ADGRL3: variants seen among roughly 807,000 people sequenced by gnomAD.
ADGRL3 encodes the protein calcium-independent alpha-latrotoxin receptor 3.
A neutral mutation model predicts 153.5 loss-of-function variants in ADGRL3; 62 were observed. The observed-to-expected ratio is 0.40, with a 90% CI of 0.33 to 0.50. ADGRL3 has a LOEUF of 0.50. Among genes scored for constraint, ADGRL3 ranks in the 20% least tolerant of loss-of-function variants. The pLI is 0.47. For missense variants in ADGRL3, 1,641 were observed against 1,859.4 expected (o/e 0.88, Z 2.16); for synonymous variants, 710 against 672.5 (o/e 1.06, Z -0.86).
intron 1 of ADGRL3, among the ~76,000 whole-genome samples, chr4:61,243,497 T>C (rs189250675): frequency 3.2e-4 from 48 of 152,148 alleles, no homozygotes; most frequent in Admixed American, 1.4e-3. Context: ...TTTTCTAGGA[T>C]GTTTTTGTCT....
chr4:61,885,797 A>G (rs1479295649), intron 9 of ADGRL3, among the ~76,000 whole-genome samples: 1 of 152,192 alleles, frequency 6.6e-6, no homozygotes, highest in African/African-American at 2.4e-5. Flanking sequence ...GAATTATTTA[A>G]TTTAACCTAT....
intron 2 of ADGRL3, among the ~76,000 whole-genome samples, chr4:61,451,352 AG>A (rs1209371427): frequency 6.6e-6 from 1 of 152,112 alleles, no homozygotes; most frequent in African/African-American, 2.4e-5. Context: ...TAATGAAAAA[AG>A]GGCAAAATAT....
intron 2 of ADGRL3, among the ~76,000 whole-genome samples, chr4:61,402,195 C>T (rs780061452): frequency 1.3e-5 from 2 of 152,058 alleles, no homozygotes; most frequent in Non-Finnish European, 2.9e-5. Flanking sequence ...GCAAATTAAT[C>T]TTGTGGGCTG....
chr4:61,865,492 T>C (rs368495204), intron 9 of ADGRL3, among the ~76,000 whole-genome samples: 2 of 152,302 alleles, frequency 1.3e-5, no homozygotes, highest in Non-Finnish European at 1.5e-5. Flanking sequence ...AACAACTTTA[T>C]TCTGACTGTA....
intron 5 of ADGRL3, among the ~76,000 whole-genome samples, chr4:61,655,494 T>A (rs980905277): frequency 6.6e-6 from 1 of 152,126 alleles, no homozygotes; most frequent in Non-Finnish European, 1.5e-5. Flanking sequence ...CTATAATAAA[T>A]TAAATTAAAA....
chr4:61,479,759 G>T (rs2098112240), intron 2 of ADGRL3, among the ~76,000 whole-genome samples: 1 of 152,068 alleles, frequency 6.6e-6, no homozygotes, highest in African/African-American at 2.4e-5. Context: ...TTAAAATTTG[G>T]ATATTCATAT....
chr4:61,667,822 G>A (rs773840478), intron 5 of ADGRL3, among the ~76,000 whole-genome samples: 1 of 152,132 alleles, frequency 6.6e-6, no homozygotes, highest in Non-Finnish European at 1.5e-5. Flanking sequence ...ATGTATAAAT[G>A]TGGCTTACAT....
At chr4:61,800,074 G>T (rs534267890) in intron 8 of ADGRL3, among the ~76,000 whole-genome samples, 7 of 152,112 alleles carry the variant, frequency 4.6e-5, no homozygotes, top group Admixed American at 4.6e-4. Flanking sequence ...TGAACCTCTT[G>T]TGTACTGGGA....
chr4:61,427,584 G>T (rs1217474202), intron 2 of ADGRL3: 1 of 152,808 alleles, frequency 6.5e-6, no homozygotes, highest in Non-Finnish European at 1.5e-5. Context: ...ACAGTAGGAG[G>T]TCCCTGAACC....
chr4:61,896,234 A>G (rs1422560759), intron 11 of ADGRL3, among the ~76,000 whole-genome samples: 3 of 152,000 alleles, frequency 2.0e-5, no homozygotes, highest in Non-Finnish European at 4.4e-5. Context: ...TCTGTAACCT[A>G]ATCATTTATC....
At chr4:61,430,463 T>A (rs2097342584) in intron 2 of ADGRL3, among the ~76,000 whole-genome samples, 1 of 152,190 alleles carries the variant, frequency 6.6e-6, no homozygotes, top group African/African-American at 2.4e-5. Flanking sequence ...ACATTTCAAT[T>A]TAAAGTACCA....
intron 8 of ADGRL3, among the ~76,000 whole-genome samples, chr4:61,769,183 A>C (rs1417771491): frequency 3.3e-5 from 5 of 152,106 alleles, no homozygotes; most frequent in African/African-American, 4.8e-5. Flanking sequence ...GCAATGATTA[A>C]ATACCAAGGG....
At chr4:61,669,405 A>T (rs950547742) in intron 5 of ADGRL3, among the ~76,000 whole-genome samples, 12 of 152,144 alleles carry the variant, frequency 7.9e-5, no homozygotes, top group African/African-American at 2.9e-4. Context: ...TGTTCAGTTG[A>T]TTGACATTGA....
chr4:61,850,623 AT>A (rs2098191150), intron 9 of ADGRL3, among the ~76,000 whole-genome samples: 1 of 152,186 alleles, frequency 6.6e-6, no homozygotes, highest in Non-Finnish European at 1.5e-5. Context: ...GCATAAAAAC[AT>A]TATTCTCTGG....
chr4:62,013,829 A>G (rs537863300), intron 21 of ADGRL3, among the ~76,000 whole-genome samples: 86 of 152,138 alleles, frequency 5.7e-4, no homozygotes, highest in African/African-American at 2.0e-3. Flanking sequence ...CGGAGGTTTC[A>G]GTGAGCCGAG....
intron 5 of ADGRL3, among the ~76,000 whole-genome samples, chr4:61,599,080 GA>G (rs1485843820): frequency 3.3e-5 from 5 of 152,186 alleles, no homozygotes; most frequent in African/African-American, 1.2e-4. Flanking sequence ...GAAGCCTTCA[GA>G]ATGAAGACCC....
chr4:61,588,167 G>A (rs1344894272), intron 5 of ADGRL3, among the ~76,000 whole-genome samples: 1 of 151,670 alleles, frequency 6.6e-6, no homozygotes, highest in African/African-American at 2.4e-5. Context: ...CTATTACTAT[G>A]CTTTCTCAGA....
intron 9 of ADGRL3, among the ~76,000 whole-genome samples, chr4:61,863,000 T>G (rs2098359143): frequency 6.6e-6 from 1 of 152,042 alleles, no homozygotes; most frequent in African/African-American, 2.4e-5. Flanking sequence ...GAAACAGTGG[T>G]ATAGGTGAAA....
intron 9 of ADGRL3, among the ~76,000 whole-genome samples, chr4:61,882,453 C>T (rs1358623672): frequency 6.6e-6 from 1 of 152,174 alleles, no homozygotes; most frequent in Non-Finnish European, 1.5e-5. Context: ...ACTCCTCTCC[C>T]ATTCAGTCAC....
Sources: gnomAD v4.1 joint callset for allele counts (sites outside exome capture counted in the v4.1 genomes callset) on GRCh38, gnomAD v4.1.1 for gene constraint, MANE v1.5 for transcripts, NCBI Gene and HGNC (gene_info 2026-07-23, HGNC 2026-07-21) for gene names.